The following RNMT variants were observed in gnomAD, a reference collection of about 807,000 sequenced individuals.
The protein encoded by RNMT is RNA guanine-7 methyltransferase, also known as mRNA cap guanine-N(7) methyltransferase.
In RNMT, 27 loss-of-function variants were observed where a neutral mutation model predicts 56.0. The ratio of observed to expected loss-of-function variants is 0.48; its 90% CI spans 0.36 to 0.67. RNMT has a LOEUF of 0.67. Among genes scored for constraint, RNMT ranks in the 30% least tolerant of loss-of-function variants. RNMT has a pLI of 0.00. For synonymous variants in RNMT, 184 were observed against 176.2 expected, an observed-to-expected ratio of 1.04 and a Z score of -0.35; for missense variants, 519 against 552.1, an observed-to-expected ratio of 0.94 and a Z score of 0.60.
rs2044113328 is a variant in RNMT, at chr18:13,733,701, T to G, written c.418-763T>G. ...GCCTAATCTCTTTATATACATTATC[T>G]TATTTAATTTTCACAACAGCTTTAT... is the stretch of plus-strand genomic sequence containing the variant. On this transcript the variant is annotated intron_variant, in intron 3 of 11. Coordinates refer to ENST00000383314, the MANE Select transcript of RNMT (RefSeq NM_003799.3). 1.3e-5 allele frequency among the ~76,000 whole-genome samples: 2 copies of G among 152,218 alleles called. 1 individual carries two copies. The highest frequency in any genetic ancestry group is 4.1e-4 in the South Asian group (2 of 4,830).
At position 13,760,585 on chromosome 18, in the gene RNMT, A is replaced by G. The variant is rs2044607421; in HGVS notation, c.*606A>G. 1 of 985,656 alleles carries G rather than the reference A, an allele frequency of 1.0e-6. No individual in the cohort carries two copies. The highest frequency in any genetic ancestry group is 1.2e-6 in the Non-Finnish European group (1 of 829,934). 61.1% of individuals were successfully genotyped at this position (985,656 alleles called of 1,614,324 possible). On this transcript the variant is annotated 3_prime_UTR_variant, in exon 12 of 12. Transcript: ENST00000383314. The stretch of plus-strand genomic sequence containing the variant: ...CTGCAATTCAGGAGCTGGTTAGAAC[A>G]TTTTAAGTGGCAGCATAGAATTTTG...
chr18:13,750,677 G>T (rs888117919), intron 9 of RNMT, among the ~76,000 whole-genome samples: 1 of 151,890 alleles, frequency 6.6e-6, no homozygotes, highest in African/African-American at 2.4e-5. Context: ...TGGCTTGTGC[G>T]TGTAGTCCCA....
At position 13,761,665 on chromosome 18, in the gene RNMT, C is replaced by G. The variant is rs2044621578; in HGVS notation, c.*1686C>G. The G allele has an allele frequency of 9.8e-7, 1 of 1,020,554 alleles. No individual in the cohort carries two copies. The highest frequency in any genetic ancestry group is 1.7e-5 in the African/African-American group (1 of 57,642). The allele number at this position is 1,020,554 out of a possible 1,614,324, so 63.2% of individuals were successfully genotyped here. A position where few individuals can be genotyped will look rare whatever the true frequency, so the allele number is the denominator to read the frequency against. On this transcript the variant is annotated 3_prime_UTR_variant, in exon 12 of 12. Coordinates refer to ENST00000383314, the MANE Select transcript of RNMT (RefSeq NM_003799.3). ...TAGAGTTACTAAGGCCTTCAGTGAA[C>G]AGAAAGGAGCAGAGAGCAAGATTAG...
chr18:13,740,496 G>T (rs183995059), intron 6 of RNMT, among the ~76,000 whole-genome samples: 32 of 152,184 alleles, frequency 2.1e-4, no homozygotes, highest in African/African-American at 7.5e-4. Flanking sequence ...CTGCCTCCCA[G>T]CCTCCTGAGT....
chr18:13,758,541 C>G (rs943309802), intron 11 of RNMT, among the ~76,000 whole-genome samples: 1 of 152,166 alleles, frequency 6.6e-6, no homozygotes, highest in Non-Finnish European at 1.5e-5. Context: ...GTTTCCTCAC[C>G]TCTCTCATCC....
chr18:13,749,397 G>A (rs1041406908), intron 9 of RNMT, among the ~76,000 whole-genome samples: 4 of 152,208 alleles, frequency 2.6e-5, no homozygotes, highest in Admixed American at 6.5e-5. Flanking sequence ...TTATGCTAAT[G>A]ATACAGCAGT....
intron 11 of RNMT, among the ~76,000 whole-genome samples, chr18:13,758,398 T>C (rs939208610): frequency 1.3e-5 from 2 of 152,258 alleles, no homozygotes; most frequent in African/African-American, 4.8e-5. Context: ...TGATCTTAGC[T>C]AGATCTTCTG....
chr18:13,732,380 C>T lies in RNMT; in HGVS notation c.417+446C>T, dbSNP rs146170314. Among the ~76,000 whole-genome samples the T allele has an allele frequency of 8.6e-4, 131 of 152,184 alleles. 3 individuals are homozygous for T. The East Asian group carries it at 0.014, about 16-fold the overall frequency. On this transcript the variant is annotated intron_variant, in intron 3 of 11. Coordinates refer to ENST00000383314, the MANE Select transcript of RNMT (RefSeq NM_003799.3). Reference sequence around the variant, plus strand: ...TTTCTTTTTTATTAGGTGTTCAGCTCTAGTTTTTTTGTCAGAGGTTATCAC... The same window carrying T: ...TTTCTTTTTTATTAGGTGTTCAGCTTTAGTTTTTTTGTCAGAGGTTATCAC...
chr18:13,741,761 A>G (rs1233681754), intron 7 of RNMT, 70 bp downstream of exon 7: 1 of 966,284 alleles, frequency 1.0e-6, no homozygotes, highest in East Asian at 2.6e-5. Flanking sequence ...TATCAGAGGT[A>G]GATTTTATTA....
rs1214081086 is a variant in RNMT, at chr18:13,737,130, G to C, written c.674G>C (p.Cys225Ser). ...AAAGGAAGAATTAACAAGCTAGTTT[G>C]TACTGGTAAGATAAATAATGATATG... is the stretch of plus-strand genomic sequence containing the variant. The part of the protein sequence containing the change: ...WKKGRINKLV[C>S]TDIADVSVKQ... The change falls in exon 5 of 12, where the codon TGT (cysteine) becomes TCT (serine). Residue 225 changes from cysteine (C) to serine (S), a missense_variant. Cys to Ser is a moderately radical substitution (Grantham distance 112, BLOSUM62 -1). Transcript: ENST00000383314. The C allele has an allele frequency of 3.1e-6, 5 of 1,601,776 alleles. No individual in the cohort carries two copies. The Admixed American group carries it at 6.8e-5, about 22-fold the overall frequency.
intron 3 of RNMT, among the ~76,000 whole-genome samples, chr18:13,732,385 T>G (rs75714597): frequency 0.086 from 13,045 of 152,262 alleles, 690 homozygotes; most frequent in South Asian, 0.15. Context: ...CAGCTCTAGT[T>G]TTTTTGTCAG....
At chr18:13,756,759 G>C (rs915411500) in intron 11 of RNMT, among the ~76,000 whole-genome samples, 1 of 152,158 alleles carries the variant, frequency 6.6e-6, no homozygotes, top group Non-Finnish European at 1.5e-5. Flanking sequence ...CTGGAGTCTT[G>C]GGAGGCCATC....
At chr18:13,742,693 T>TG in intron 8 of RNMT, 41 bp downstream of exon 8, 1 of 1,469,718 alleles carries the variant, frequency 6.8e-7, no homozygotes, top group Non-Finnish European at 9.2e-7. Context: ...CTTTTTGTCT[T>TG]AAGGGAAAGA....
intron 10 of RNMT, 39 bp from the exon 11 acceptor site, chr18:13,754,075 T>C: frequency 4.2e-6 from 5 of 1,204,674 alleles, no homozygotes; most frequent in Non-Finnish European, 6.1e-6. Flanking sequence ...TACTTCCATA[T>C]TGAATCTAAA....
chr18:13,743,318 G>T (rs1301210006), intron 8 of RNMT, among the ~76,000 whole-genome samples: 3 of 48,360 alleles, frequency 6.2e-5, no homozygotes, highest in African/African-American at 2.7e-4. Context: ...GCGAAACTCC[G>T]TCTCAAAAAA....
rs149097059 is a variant in RNMT at position 13,743,329 on chromosome 18, AAAAT to A, written c.1139+718_1139+721del. On this transcript the variant is annotated intron_variant, in intron 8 of 11. Coordinates refer to ENST00000383314, the MANE Select transcript of RNMT (RefSeq NM_003799.3). Reference sequence around the variant, plus strand: ...CAGAGCGAAACTCCGTCTCAAAAAAAAAATAAATAAATAAATAAATAAATAAATA... The same window carrying A: ...CAGAGCGAAACTCCGTCTCAAAAAAAAAATAAATAAATAAATAAATAAATA... Among the ~76,000 whole-genome samples the A allele has an allele frequency of 4.7e-3, 150 of 31,808 alleles. 3 individuals carry two copies. The highest frequency in any genetic ancestry group is 0.014 in the South Asian group (18 of 1,278). The allele number at this position is 31,808 out of a possible 152,430, so 20.9% of individuals were successfully genotyped here.
intron 5 of RNMT, among the ~76,000 whole-genome samples, chr18:13,737,556 T>A (rs2044183002): frequency 6.6e-6 from 1 of 150,698 alleles, no homozygotes; most frequent in Admixed American, 6.6e-5. Flanking sequence ...AAAAAAAAAA[T>A]TAGTTACAAG....
intron 9 of RNMT, among the ~76,000 whole-genome samples, chr18:13,749,453 T>G (rs2044404759): frequency 6.6e-6 from 1 of 152,174 alleles, no homozygotes; most frequent in Non-Finnish European, 1.5e-5. Context: ...ATAGGTTAAT[T>G]TCTAATGCCT....
chr18:13,760,058 TTC>T lies in RNMT; in HGVS notation c.*83_*84del, dbSNP rs1356463069. 2.6e-6 allele frequency: 4 copies of T among 1,551,568 alleles called. No homozygotes were observed. In the African/African-American group the frequency reaches 4.1e-5, roughly 16 times the overall value. On this transcript the variant is annotated 3_prime_UTR_variant, in exon 12 of 12. Transcript: ENST00000383314. ...CAACTCATCTCGATATATTTGATAT[TTC>T]TCTGTCTGTTGATTTTAATTCTAAA...
Sources: allele counts gnomAD v4.1 joint callset (sites outside exome capture counted in the v4.1 genomes callset), GRCh38; gene constraint gnomAD v4.1.1; transcripts MANE v1.5; gene names NCBI Gene and HGNC (gene_info 2026-07-23, HGNC 2026-07-21).